COG5: variants seen among roughly 807,000 people sequenced by gnomAD.
COG5 encodes conserved oligomeric Golgi complex subunit 5.
COG5 carries 86 observed loss-of-function variants against 110.4 expected under a neutral mutation model. The observed-to-expected ratio is 0.78, with a 90% CI of 0.65 to 0.93. The LOEUF (loss-of-function observed/expected upper bound fraction) is 0.93, where lower values mean the gene tolerates loss of function less well. COG5 is among the 40% of genes least tolerant of loss of function. The probability of loss-of-function intolerance (pLI) is 0.00; values close to 1 mark genes in which losing one functional copy is unlikely to be tolerated. For missense variants in COG5, 1,077 were observed against 987.0 expected, an observed-to-expected ratio of 1.09 and a Z score of -1.22; for synonymous variants, 360 against 334.6, an observed-to-expected ratio of 1.08 and a Z score of -0.83.
intron 6 of COG5, among the ~76,000 whole-genome samples, chr7:107,491,320 A>G (rs2129128278): frequency 6.6e-6 from 1 of 152,228 alleles, no homozygotes; most frequent in East Asian, 1.9e-4. Context: ...ATCCCTGAAG[A>G]GTAACTAGAT....
At position 107,205,199 on chromosome 7, in the gene COG5, T is replaced by C. The variant is rs137860233; in HGVS notation, c.2376-1569A>G. Among the ~76,000 whole-genome samples the C allele has an allele frequency of 5.5e-3, 842 of 152,324 alleles. 4 individuals are homozygous for C. The highest frequency in any genetic ancestry group is 0.027 in the Middle Eastern group (8 of 294). On this transcript the variant is annotated intron_variant, in intron 21 of 21. Coordinates refer to ENST00000297135, the MANE Select transcript of COG5 (RefSeq NM_006348.5). ...ACAGCACTTGCCGTGCCCTGTTCTT[T>C]ATAGGAAATCTGGAAAGGTCTGACT... is the stretch of plus-strand genomic sequence containing the variant.
intron 6 of COG5, among the ~76,000 whole-genome samples, chr7:107,452,130 T>C (rs535173147): frequency 5.8e-4 from 89 of 152,272 alleles, no homozygotes; most frequent in Non-Finnish European, 7.9e-4. Context: ...CTTTGTTCCA[T>C]CCTCAATGCT....
chr7:107,232,752 G>A (rs1263016402), intron 18 of COG5, among the ~76,000 whole-genome samples: 1 of 152,172 alleles, frequency 6.6e-6, no homozygotes, highest in African/African-American at 2.4e-5. Context: ...TAAAGGCCAT[G>A]TTTTAAAGGG....
At chr7:107,530,318 T>G (rs1031140110) in intron 5 of COG5, among the ~76,000 whole-genome samples, 1 of 152,160 alleles carries the variant, frequency 6.6e-6, no homozygotes, top group Non-Finnish European at 1.5e-5. Flanking sequence ...ATGCAGTTTT[T>G]GGGCCGGACG....
chr7:107,210,652 G>C (rs773819098), intron 20 of COG5, 47 bp from the exon 21 acceptor site: 3 of 1,544,486 alleles, frequency 1.9e-6, no homozygotes, highest in Non-Finnish European at 2.6e-6. Flanking sequence ...GCATTCTTTA[G>C]TAAATGGCAG....
chr7:107,492,204 T>TGTGTGTG (rs1563064575), intron 6 of COG5, among the ~76,000 whole-genome samples: 7 of 150,602 alleles, frequency 4.6e-5, no homozygotes, highest in Non-Finnish European at 7.4e-5. Flanking sequence ...TGTGTGTGTG[T>TGTGTGTG]AGTTTATTTT....
At chr7:107,554,387 T>C (rs907441271) in intron 2 of COG5, 45 bp from the exon 3 acceptor site, 1 of 1,537,802 alleles carries the variant, frequency 6.5e-7, no homozygotes, top group African/African-American at 1.4e-5. Flanking sequence ...TGTTAGGTAT[T>C]CTTCCTTGTA....
At chr7:107,437,530 C>T (rs1207526820) in intron 6 of COG5, among the ~76,000 whole-genome samples, 1 of 152,124 alleles carries the variant, frequency 6.6e-6, no homozygotes, top group African/African-American at 2.4e-5. Flanking sequence ...GTGACAGGTG[C>T]TCTTTCAGAT....
At position 107,541,523 on chromosome 7, in the gene COG5, A is replaced by AATATATATATAT. The variant is rs1554460370; in HGVS notation, c.417+6576_417+6587dup. On this transcript the variant is annotated intron_variant, in intron 5 of 21. Transcript: ENST00000297135. ...AAAAAAAAAAAAAAAAAAAAAAAAA[A>AATATATATATAT]ATATATATATATATATATATGTATT... Among the ~76,000 whole-genome samples the AATATATATATAT allele has an allele frequency of 5.1e-3, 291 of 56,976 alleles. 2 individuals are homozygous for AATATATATATAT. Among genetic ancestry groups the AATATATATATAT allele is most frequent in the African/African-American group, 0.016 (234 of 14,926 alleles). The allele number at this position is 56,976 out of a possible 152,430, so 37.4% of individuals were successfully genotyped here.
chr7:107,277,801 C>G (rs890422975), intron 14 of COG5, among the ~76,000 whole-genome samples: 31 of 151,920 alleles, frequency 2.0e-4, no homozygotes, highest in African/African-American at 7.5e-4. Context: ...AAGGATTTAT[C>G]CTTACAGAGA....
At chr7:107,354,484 C>T (rs1484576584) in intron 10 of COG5, among the ~76,000 whole-genome samples, 6 of 152,162 alleles carry the variant, frequency 3.9e-5, no homozygotes, top group African/African-American at 1.4e-4. Context: ...CGAGACCAGT[C>T]CTACCCATAT....
chr7:107,323,194 C>T (rs570599712), intron 11 of COG5, among the ~76,000 whole-genome samples: 4 of 152,196 alleles, frequency 2.6e-5, no homozygotes, highest in African/African-American at 7.2e-5. Context: ...AGGAAATATA[C>T]GATATTTATT....
At chr7:107,233,176 T>C (rs1161894790) in intron 18 of COG5, among the ~76,000 whole-genome samples, 1 of 152,190 alleles carries the variant, frequency 6.6e-6, no homozygotes, top group Non-Finnish European at 1.5e-5. Context: ...TAGCCACTCT[T>C]TCCTTCAGCT....
intron 6 of COG5, among the ~76,000 whole-genome samples, chr7:107,414,637 C>T (rs577859427): frequency 1.4e-5 from 2 of 147,972 alleles, no homozygotes; most frequent in Non-Finnish European, 3.0e-5. Context: ...TGGCTTCACA[C>T]TGACTAACAT....
At chr7:107,269,147 A>G (rs748800774) in intron 14 of COG5, among the ~76,000 whole-genome samples, 8 of 151,980 alleles carry the variant, frequency 5.3e-5, no homozygotes, top group Non-Finnish European at 1.0e-4. Flanking sequence ...TTCTATTTCT[A>G]TTCTTTCAGT....
chr7:107,304,307 T>C (rs952435508), intron 11 of COG5, among the ~76,000 whole-genome samples: 1 of 152,198 alleles, frequency 6.6e-6, no homozygotes, highest in Non-Finnish European at 1.5e-5. Context: ...GTACCTTCTT[T>C]TATTTTCTTC....
intron 6 of COG5, among the ~76,000 whole-genome samples, chr7:107,500,750 AC>A (rs1447344381): frequency 6.6e-6 from 1 of 152,196 alleles, no homozygotes; most frequent in Non-Finnish European, 1.5e-5. Context: ...TCATCAAATC[AC>A]ATTTCTGATT....
intron 17 of COG5, among the ~76,000 whole-genome samples, chr7:107,240,278 C>T (rs747251755): frequency 6.6e-6 from 1 of 152,170 alleles, no homozygotes; most frequent in Non-Finnish European, 1.5e-5. Context: ...TGCAGTGGCT[C>T]GATCTTGGCT....
At chr7:107,266,528 A>C (rs1402143326) in intron 14 of COG5, among the ~76,000 whole-genome samples, 1 of 152,158 alleles carries the variant, frequency 6.6e-6, no homozygotes, top group Non-Finnish European at 1.5e-5. Flanking sequence ...AACTTAGATT[A>C]CTACCTCTTT....
Sources: allele counts gnomAD v4.1 joint callset (sites outside exome capture counted in the v4.1 genomes callset), GRCh38; gene constraint gnomAD v4.1.1; transcripts MANE v1.5; gene names NCBI Gene and HGNC (gene_info 2026-07-23, HGNC 2026-07-21).